The following ZMIZ1 variants were observed in gnomAD, a reference collection of about 807,000 sequenced individuals.
ZMIZ1 encodes the protein zinc finger MIZ domain-containing protein 1.
Under a neutral mutation model 113.9 loss-of-function variants are expected in ZMIZ1, and 17 were observed. That is an observed-to-expected ratio of 0.15 (90% CI 0.10 to 0.22). The LOEUF is 0.22. ZMIZ1 is among the 10% of genes least tolerant of loss of function. The probability of loss-of-function intolerance (pLI) is 1.00; values close to 1 mark genes in which losing one functional copy is unlikely to be tolerated. For missense variants in ZMIZ1, 1,059 were observed against 1,477.8 expected, an observed-to-expected ratio of 0.72 and a Z score of 4.65; for synonymous variants, 607 against 603.1, an observed-to-expected ratio of 1.01 and a Z score of -0.09.
At chr10:79,114,626 G>T (rs1264608535) in intron 1 of ZMIZ1, among the ~76,000 whole-genome samples, 1 of 151,872 alleles carries the variant, frequency 6.6e-6, no homozygotes, top group Non-Finnish European at 1.5e-5. Flanking sequence ...GCTTTTCCGG[G>T]GCCTCACTGA....
intron 5 of ZMIZ1, among the ~76,000 whole-genome samples, chr10:79,202,509 G>C (rs573212404): frequency 6.6e-6 from 1 of 151,188 alleles, no homozygotes; most frequent in Admixed American, 6.6e-5. Flanking sequence ...TTACAGGAAA[G>C]GAAACAAGTA....
chr10:79,238,514 C>A (rs1849687460), intron 7 of ZMIZ1, among the ~76,000 whole-genome samples: 1 of 152,186 alleles, frequency 6.6e-6, no homozygotes, highest in Admixed American at 6.5e-5. Context: ...TGCATAGATG[C>A]TAAACTCTAA....
At chr10:79,143,823 G>A (rs1845372016) in intron 3 of ZMIZ1, among the ~76,000 whole-genome samples, 1 of 152,180 alleles carries the variant, frequency 6.6e-6, no homozygotes, top group African/African-American at 2.4e-5. Context: ...GTGTGTCCAG[G>A]CGAAGGAGAC....
intron 4 of ZMIZ1, among the ~76,000 whole-genome samples, chr10:79,194,928 C>T (rs952199409): frequency 1.3e-5 from 2 of 152,206 alleles, no homozygotes; most frequent in South Asian, 4.1e-4. Flanking sequence ...TTGGGAAGAC[C>T]GAGCTGACCC....
intron 7 of ZMIZ1, among the ~76,000 whole-genome samples, chr10:79,242,951 T>G (rs867139564): frequency 4.8e-4 from 71 of 147,452 alleles, no homozygotes; most frequent in Middle Eastern, 3.5e-3. Flanking sequence ...GTGGCTGGGC[T>G]GACGGTCTGC....
chr10:79,300,867 C>T lies in ZMIZ1; in HGVS notation c.1944C>T (p.His648=), dbSNP rs1211787149. The part of the protein sequence containing the change: ...TIERGDNKTS[H]KPLHLKHVCQ... ...AGCGCGGCGACAACAAGACCTCCCA[C>T]AAGCCCCTGCACCTGAAGCACGTGT... The change falls in exon 17 of 25, where the codon CAC becomes CAT. Residue 648 remains histidine, a synonymous_variant. Coordinates refer to ENST00000334512, the MANE Select transcript of ZMIZ1 (RefSeq NM_020338.4). 6.2e-7 allele frequency: 1 copy of T among 1,613,378 alleles called. No homozygotes were observed. Among genetic ancestry groups the T allele is most frequent in the East Asian group, 2.2e-5 (1 of 44,892 alleles).
At chr10:79,299,887 T>C (rs1331718274) in intron 16 of ZMIZ1, among the ~76,000 whole-genome samples, 2 of 151,974 alleles carry the variant, frequency 1.3e-5, no homozygotes, top group Non-Finnish European at 2.9e-5. Flanking sequence ...CCTGGGGGTG[T>C]CCACCCTTCA....
chr10:79,156,045 T>TG (rs1381528826), intron 3 of ZMIZ1, among the ~76,000 whole-genome samples: 1 of 152,256 alleles, frequency 6.6e-6, no homozygotes, highest in East Asian at 1.9e-4. Context: ...GGGCAAGTGC[T>TG]GACCTTTGGC....
At chr10:79,155,035 G>T (rs990421209) in intron 3 of ZMIZ1, among the ~76,000 whole-genome samples, 8 of 152,198 alleles carry the variant, frequency 5.3e-5, no homozygotes, top group African/African-American at 1.9e-4. Flanking sequence ...CCATTTTACA[G>T]ATGAGGAAAC....
chr10:79,111,975 G>T (rs1042322141), intron 1 of ZMIZ1, among the ~76,000 whole-genome samples: 2 of 152,242 alleles, frequency 1.3e-5, no homozygotes, highest in Non-Finnish European at 2.9e-5. Flanking sequence ...AGTAGGACTT[G>T]GTTGGGCTAA....
intron 7 of ZMIZ1, among the ~76,000 whole-genome samples, chr10:79,264,003 CT>C (rs998014399): frequency 7.9e-5 from 12 of 152,210 alleles, no homozygotes; most frequent in African/African-American, 2.9e-4. Context: ...CCTCCTTACC[CT>C]TCCATCTCCC....
chr10:79,080,562 G>T (rs1420404155), intron 1 of ZMIZ1, among the ~76,000 whole-genome samples: 1 of 152,128 alleles, frequency 6.6e-6, no homozygotes, highest in Admixed American at 6.5e-5. Context: ...GCCCGCCTTG[G>T]CCTCCCGAAG....
intron 7 of ZMIZ1, among the ~76,000 whole-genome samples, chr10:79,231,803 C>A (rs1200155367): frequency 2.0e-5 from 3 of 152,202 alleles, no homozygotes; most frequent in Non-Finnish European, 2.9e-5. Context: ...GTCTCGAACT[C>A]CTGACCTCAG....
At chr10:79,300,197 GTCCTGGCCTGGGAGGCCTCCTCT>G (rs1459177558) in intron 16 of ZMIZ1, among the ~76,000 whole-genome samples, 1 of 152,254 alleles carries the variant, frequency 6.6e-6, no homozygotes, top group Non-Finnish European at 1.5e-5. Flanking sequence ...AGCTGGGAGT[GTCCTGGCCTGGGAGGCCTCCTCT>G]TCCTGGCTTG....
At chr10:79,232,506 G>T (rs1408537034) in intron 7 of ZMIZ1, among the ~76,000 whole-genome samples, 1 of 151,968 alleles carries the variant, frequency 6.6e-6, no homozygotes, top group East Asian at 1.9e-4. Flanking sequence ...AGAGTGTAGA[G>T]GGCTTTGAGG....
intron 5 of ZMIZ1, among the ~76,000 whole-genome samples, chr10:79,206,160 G>A (rs1210832420): frequency 1.3e-5 from 2 of 152,002 alleles, no homozygotes; most frequent in South Asian, 2.1e-4. Context: ...TCAGCAATGA[G>A]GTGTACCCAC....
chr10:79,190,159 A>T (rs1290174932), intron 4 of ZMIZ1, among the ~76,000 whole-genome samples: 1 of 152,054 alleles, frequency 6.6e-6, no homozygotes, highest in Non-Finnish European at 1.5e-5. Flanking sequence ...TGTTCCCATC[A>T]CACTTGGCAT....
At chr10:79,141,984 C>T (rs1845292267) in intron 3 of ZMIZ1, among the ~76,000 whole-genome samples, 1 of 152,098 alleles carries the variant, frequency 6.6e-6, no homozygotes, top group Non-Finnish European at 1.5e-5. Context: ...GGGAAGCCAT[C>T]AAAGGCTGAA....
intron 1 of ZMIZ1, among the ~76,000 whole-genome samples, chr10:79,095,618 C>A (rs1538228): frequency 0.24 from 37,019 of 152,088 alleles, 4,634 homozygotes; most frequent in African/African-American, 0.29. Context: ...CTTCTCCAGG[C>A]GCCTGATCTA....
Sources: gnomAD v4.1 joint callset for allele counts (sites outside exome capture counted in the v4.1 genomes callset) on GRCh38, gnomAD v4.1.1 for gene constraint, MANE v1.5 for transcripts, NCBI Gene and HGNC (gene_info 2026-07-23, HGNC 2026-07-21) for gene names.